Variants in SLCO3A1 observed in about 807,000 individuals in gnomAD.
SLCO3A1 encodes PGE1 transporter.
Under a neutral mutation model 63.1 loss-of-function variants are expected in SLCO3A1, and 27 were observed. The observed-to-expected ratio is 0.43, with a 90% CI of 0.32 to 0.59. The LOEUF (loss-of-function observed/expected upper bound fraction) is 0.59, where lower values mean the gene tolerates loss of function less well. Among genes scored for constraint, SLCO3A1 ranks in the 20% least tolerant of loss-of-function variants. SLCO3A1 has a pLI of 0.09. For synonymous variants in SLCO3A1, 473 were observed against 409.9 expected, an observed-to-expected ratio of 1.15 and a Z score of -1.86; for missense variants, 773 against 945.8, an observed-to-expected ratio of 0.82 and a Z score of 2.40.
At chr15:92,167,276 T>C (rs1205305080), downstream of SLCO3A1, among the ~76,000 whole-genome samples, 1 of 152,184 alleles carries the variant, frequency 6.6e-6, no homozygotes, top group Non-Finnish European at 1.5e-5. Flanking sequence ...CTGGCTCCAC[T>C]GGGCTCACGC....
intron 4 of SLCO3A1, 131 bp from the exon 5 acceptor site, chr15:92,120,329 AACTGG>A: frequency 3.7e-6 from 3 of 821,758 alleles, no homozygotes; most frequent in Admixed American, 2.6e-5. Flanking sequence ...TGGCCTTAGC[AACTGG>A]GTACCTCTGG....
intron 2 of SLCO3A1, among the ~76,000 whole-genome samples, chr15:92,029,532 G>T (rs72757415): frequency 0.18 from 28,047 of 152,078 alleles, 2,780 homozygotes; most frequent in Non-Finnish European, 0.21. Context: ...AAAAATGTTT[G>T]TTTTCTCATA....
chr15:92,117,949 A>G (rs2047815734), intron 4 of SLCO3A1, among the ~76,000 whole-genome samples: 1 of 152,252 alleles, frequency 6.6e-6, no homozygotes, highest in African/African-American at 2.4e-5. Context: ...GATTTAACAC[A>G]GGAAAATTTC....
At chr15:91,884,796 T>C (rs1897682186) in intron 1 of SLCO3A1, among the ~76,000 whole-genome samples, 1 of 152,210 alleles carries the variant, frequency 6.6e-6, no homozygotes. Flanking sequence ...TACGCATTTT[T>C]TTGTATGCTT....
intron 2 of SLCO3A1, among the ~76,000 whole-genome samples, chr15:91,974,449 T>G (rs1210913712): frequency 1.3e-5 from 2 of 152,102 alleles, no homozygotes; most frequent in African/African-American, 4.8e-5. Flanking sequence ...AACGGGCACC[T>G]TGGCCTGGAG....
intron 2 of SLCO3A1, among the ~76,000 whole-genome samples, chr15:91,972,016 C>CA (rs971969952): frequency 6.6e-6 from 1 of 151,938 alleles, no homozygotes; most frequent in African/African-American, 2.4e-5. Flanking sequence ...TGTTGGCGCT[C>CA]AAAAAACTAA....
chr15:91,879,685 A>T (rs1464563416), intron 1 of SLCO3A1, among the ~76,000 whole-genome samples: 3 of 152,198 alleles, frequency 2.0e-5, no homozygotes, highest in African/African-American at 7.2e-5. Flanking sequence ...CCTTCTGGTT[A>T]ATACAAATAT....
chr15:92,171,683 G>A (rs2048522275), intron 10 of SLCO3A1: 3 of 868,966 alleles, frequency 3.5e-6, no homozygotes, highest in South Asian at 1.5e-5. Context: ...TCACTGCAAA[G>A]CCATCATGCT....
At chr15:92,083,119 A>G (rs567336627) in intron 2 of SLCO3A1, among the ~76,000 whole-genome samples, 21 of 152,192 alleles carry the variant, frequency 1.4e-4, no homozygotes, top group Middle Eastern at 3.2e-3. Flanking sequence ...CGAAATGATC[A>G]CTTTCCTTGT....
In SLCO3A1 at chr15:92,096,234, C is replaced by T. The variant is rs544231527; in HGVS notation, c.745+1255C>T. Reference sequence around the variant, plus strand: ...GGAGGGGACTACCTCACCGTGACACCCCTGAAGCAAACAACCCAAGAGAAG... The same window carrying T: ...GGAGGGGACTACCTCACCGTGACACTCCTGAAGCAAACAACCCAAGAGAAG... On this transcript the variant is annotated intron_variant, in intron 3 of 9. Coordinates refer to ENST00000318445, the MANE Select transcript of SLCO3A1 (RefSeq NM_013272.4). Among the ~76,000 whole-genome samples the T allele has an allele frequency of 2.0e-5, 3 of 152,236 alleles. No individual in the cohort carries two copies. In the Middle Eastern group the frequency reaches 0.01, roughly 518 times the overall value.
At chr15:92,048,501 T>C (rs542134303) in intron 2 of SLCO3A1, among the ~76,000 whole-genome samples, 2 of 152,164 alleles carry the variant, frequency 1.3e-5, no homozygotes, top group Non-Finnish European at 2.9e-5. Flanking sequence ...TGCTTGGAAG[T>C]GACCTGTGTA....
chr15:91,983,387 C>G (rs1421714857), intron 2 of SLCO3A1, among the ~76,000 whole-genome samples: 1 of 152,178 alleles, frequency 6.6e-6, no homozygotes, highest in Non-Finnish European at 1.5e-5. Context: ...TCTGGCATCC[C>G]CAGGAGGAGA....
At chr15:91,990,140 T>G (rs2151443249) in intron 2 of SLCO3A1, among the ~76,000 whole-genome samples, 1 of 152,290 alleles carries the variant, frequency 6.6e-6, no homozygotes, top group Non-Finnish European at 1.5e-5. Flanking sequence ...AAATGGGCAG[T>G]TTTTTTCTTT....
rs763302070 is a variant in SLCO3A1, at chr15:91,859,064, C to G, written c.180+4976C>G. Among the ~76,000 whole-genome samples the G allele has an allele frequency of 6.6e-6, 1 of 152,226 alleles. No homozygotes were observed. Among genetic ancestry groups the G allele is most frequent in the Non-Finnish European group, 1.5e-5 (1 of 68,040 alleles). On this transcript the variant is annotated intron_variant, in intron 1 of 9. Coordinates refer to ENST00000318445, the MANE Select transcript of SLCO3A1 (RefSeq NM_013272.4). This position sits in a 1 kb window ranked among gnomAD's most constrained non-coding sequence, Gnocchi z 5.1. Reference sequence around the variant, plus strand: ...AGTACTTCTCTTCTGCATATGTACTCTATTCTGTACATTGCCGCATGCATT... The same window carrying G: ...AGTACTTCTCTTCTGCATATGTACTGTATTCTGTACATTGCCGCATGCATT...
chr15:91,998,585 A>G (rs939114738), intron 2 of SLCO3A1, among the ~76,000 whole-genome samples: 3 of 152,240 alleles, frequency 2.0e-5, no homozygotes, highest in Non-Finnish European at 4.4e-5. Flanking sequence ...CAGAACCACA[A>G]CGAGATACCA....
At chr15:91,985,620 TTAGCTTTAGC>T (rs1016624142) in intron 2 of SLCO3A1, among the ~76,000 whole-genome samples, 1 of 152,220 alleles carries the variant, frequency 6.6e-6, no homozygotes, top group Non-Finnish European at 1.5e-5. Context: ...TGTCGTCTTT[TTAGCTTTAGC>T]TGTTCTGGTG....
intron 2 of SLCO3A1, among the ~76,000 whole-genome samples, chr15:92,076,388 G>A (rs1183599432): frequency 6.6e-6 from 1 of 152,112 alleles, no homozygotes; most frequent in Non-Finnish European, 1.5e-5. Flanking sequence ...CCTATGTTCT[G>A]CTGCATGTTC....
intron 2 of SLCO3A1, among the ~76,000 whole-genome samples, chr15:91,947,258 G>C (rs899402651): frequency 4.6e-5 from 7 of 152,180 alleles, no homozygotes; most frequent in African/African-American, 1.7e-4. Flanking sequence ...TCTTTTCCGA[G>C]GCTCTGTGGC....
intron 1 of SLCO3A1, among the ~76,000 whole-genome samples, chr15:91,907,578 G>T (rs996476377): frequency 6.6e-6 from 1 of 151,572 alleles, no homozygotes; most frequent in Non-Finnish European, 1.5e-5. Context: ...AGGCTGGAGT[G>T]CAGTGGCATG....
Sources: gnomAD v4.1 joint callset for allele counts (sites outside exome capture counted in the v4.1 genomes callset) on GRCh38, gnomAD v4.1.1 for gene constraint, Gnocchi (gnomAD v3.1) non-coding constraint, MANE v1.5 for transcripts, NCBI Gene and HGNC (gene_info 2026-07-23, HGNC 2026-07-21) for gene names.